CAMKMT: variants seen among roughly 807,000 people sequenced by gnomAD.
CAMKMT encodes the protein CaM KMT.
CAMKMT carries 53 observed loss-of-function variants against 48.0 expected under a neutral mutation model. The ratio of observed to expected loss-of-function variants is 1.10; its 90% CI spans 0.89 to 1.39. The LOEUF is 1.39. Among genes scored for constraint, CAMKMT ranks in the 40% most tolerant of loss-of-function variants. The pLI is 0.00. For synonymous variants in CAMKMT, 165 were observed against 152.3 expected (o/e 1.08, Z -0.61); for missense variants, 428 against 402.7 (o/e 1.06, Z -0.54).
At chr2:44,707,655 TA>T (rs992300422) in intron 6 of CAMKMT, among the ~76,000 whole-genome samples, 193 bp downstream of exon 6, 21 of 152,172 alleles carry the variant, frequency 1.4e-4, no homozygotes, top group African/African-American at 5.1e-4. Context: ...TTTCTTTCCA[TA>T]GATTTTTATA....
chr2:44,521,612 C>T (rs1386244656), intron 3 of CAMKMT, among the ~76,000 whole-genome samples: 1 of 152,180 alleles, frequency 6.6e-6, no homozygotes, highest in Admixed American at 6.5e-5. Context: ...AACACTGAGG[C>T]ATAACGAGGT....
intron 7 of CAMKMT, among the ~76,000 whole-genome samples, chr2:44,739,376 AAAAG>A (rs1404791100): frequency 6.6e-6 from 1 of 152,232 alleles, no homozygotes; most frequent in Admixed American, 6.5e-5. Context: ...TGTGGACTGT[AAAAG>A]AAAGAGTCAA....
intron 3 of CAMKMT, among the ~76,000 whole-genome samples, chr2:44,446,728 C>A (rs1354807847): frequency 6.6e-6 from 1 of 152,204 alleles, no homozygotes; most frequent in Admixed American, 6.5e-5. Context: ...CACTGTATAC[C>A]TTGTTGTGCT....
intron 3 of CAMKMT, among the ~76,000 whole-genome samples, chr2:44,462,595 A>G (rs1159383829): frequency 1.3e-5 from 2 of 152,090 alleles, no homozygotes; most frequent in Admixed American, 1.3e-4. Flanking sequence ...ATGTATTCAT[A>G]TATCTATATG....
intron 9 of CAMKMT, among the ~76,000 whole-genome samples, chr2:44,754,471 G>A (rs552221240): frequency 1.3e-5 from 2 of 152,032 alleles, no homozygotes; most frequent in South Asian, 2.1e-4. Flanking sequence ...GTTGACTTCT[G>A]TCATTTTCAA....
chr2:44,562,516 G>A (rs989637483), intron 3 of CAMKMT, among the ~76,000 whole-genome samples: 2 of 152,220 alleles, frequency 1.3e-5, no homozygotes, highest in Admixed American at 1.3e-4. Context: ...GAGAGGTTGG[G>A]TAACTTGCCT....
intron 3 of CAMKMT, among the ~76,000 whole-genome samples, chr2:44,501,711 G>C (rs1670015372): frequency 6.6e-6 from 1 of 152,052 alleles, no homozygotes; most frequent in Non-Finnish European, 1.5e-5. Context: ...TTTGAATTAG[G>C]ATGTAACATT....
intron 3 of CAMKMT, among the ~76,000 whole-genome samples, chr2:44,691,277 C>T (rs147225482): frequency 6.6e-6 from 1 of 152,212 alleles, no homozygotes. Context: ...CATTTCTCAT[C>T]TGTCACTCAG....
intron 3 of CAMKMT, among the ~76,000 whole-genome samples, chr2:44,620,268 C>CT (rs946084268): frequency 3.4e-5 from 5 of 148,398 alleles, no homozygotes; most frequent in Admixed American, 6.7e-5. Flanking sequence ...TCCTTTGATA[C>CT]TTTTTTTTTT....
intron 1 of CAMKMT, among the ~76,000 whole-genome samples, chr2:44,365,273 C>A (rs1427105609): frequency 6.6e-6 from 1 of 152,054 alleles, no homozygotes; most frequent in East Asian, 1.9e-4. Context: ...TGTCTCATGG[C>A]CTTTTACTTT....
chr2:44,402,633 A>T (rs1443379790), intron 3 of CAMKMT, among the ~76,000 whole-genome samples: 1 of 150,942 alleles, frequency 6.6e-6, no homozygotes, highest in Non-Finnish European at 1.5e-5. Context: ...TACTCTTTTA[A>T]TGACTTTCTT....
chr2:44,636,941 A>G (rs895005403), intron 3 of CAMKMT, among the ~76,000 whole-genome samples: 1 of 152,166 alleles, frequency 6.6e-6, no homozygotes. Context: ...AGGTAACATC[A>G]CATCACAAGC....
intron 2 of CAMKMT, among the ~76,000 whole-genome samples, chr2:44,381,210 T>C (rs1012893703): frequency 3.9e-5 from 6 of 152,156 alleles, no homozygotes; most frequent in Admixed American, 3.3e-4. Context: ...CAGTGATAAG[T>C]TGAAATCAAA....
chr2:44,580,084 T>A (rs1285411491), intron 3 of CAMKMT, among the ~76,000 whole-genome samples: 2 of 152,114 alleles, frequency 1.3e-5, no homozygotes, highest in Non-Finnish European at 2.9e-5. Flanking sequence ...GTACCCTACC[T>A]CTAGGAGTCA....
intron 6 of CAMKMT, among the ~76,000 whole-genome samples, chr2:44,711,836 AT>A (rs1249744743): frequency 2.0e-5 from 3 of 152,148 alleles, no homozygotes; most frequent in African/African-American, 7.2e-5. Context: ...TGTTTTAGAG[AT>A]GGAGCTCAGA....
intron 3 of CAMKMT, among the ~76,000 whole-genome samples, chr2:44,561,953 G>C (rs188098546): frequency 1.3e-5 from 2 of 152,294 alleles, no homozygotes; most frequent in East Asian, 1.9e-4. Context: ...GAATATAAGA[G>C]GGAGAAAAAA....
chr2:44,519,501 C>A (rs1009265056), intron 3 of CAMKMT, among the ~76,000 whole-genome samples: 4 of 152,062 alleles, frequency 2.6e-5, no homozygotes, highest in Non-Finnish European at 5.9e-5. Flanking sequence ...TTGTTAAGTA[C>A]CTCTCCCTCT....
chr2:44,658,584 AT>A (rs1318528308), intron 3 of CAMKMT, among the ~76,000 whole-genome samples: 1 of 152,170 alleles, frequency 6.6e-6, no homozygotes, highest in African/African-American at 2.4e-5. Context: ...TCCAGTTCAC[AT>A]CTTGGCTTTT....
Position 44,657,798 on chromosome 2 carries a change from T to C in CAMKMT, c.377-46485T>C, listed in dbSNP as rs1674454908. Among the ~76,000 whole-genome samples, 1 of 152,186 alleles carries C rather than the reference T, an allele frequency of 6.6e-6. No individual in the cohort carries two copies. The highest frequency in any genetic ancestry group is 2.4e-5 in the African/African-American group (1 of 41,448). On this transcript the variant is annotated intron_variant, in intron 3 of 10. Transcript: ENST00000378494. This position sits in a 1 kb window ranked among gnomAD's most constrained non-coding sequence, Gnocchi z 4.3. ...ATGATGGATTCTCAAACATTTCTGC[T>C]AACCAAAGAAGGAAAATGAGATTGT... is the stretch of plus-strand genomic sequence containing the variant.
Sources: allele counts gnomAD v4.1 joint callset (sites outside exome capture counted in the v4.1 genomes callset), GRCh38; gene constraint gnomAD v4.1.1; non-coding constraint Gnocchi (gnomAD v3.1); transcripts MANE v1.5; gene names NCBI Gene and HGNC (gene_info 2026-07-23, HGNC 2026-07-21).